HMCN1: variants seen among roughly 807,000 people sequenced by gnomAD.
HMCN1 encodes hemicentin-1.
A neutral mutation model predicts 625.9 loss-of-function variants in HMCN1; 321 were observed. That is an observed-to-expected ratio of 0.51 (90% CI 0.47 to 0.56). The LOEUF (loss-of-function observed/expected upper bound fraction) is 0.56. Ranked by LOEUF, HMCN1 falls within the 20% of genes least tolerant of loss-of-function variation. The pLI is 0.00. For synonymous variants in HMCN1, 2,425 were observed against 2,417.6 expected (o/e 1.00, Z -0.09); for missense variants, 6,588 against 6,887.3 (o/e 0.96, Z 1.54).
At chr1:186,171,264 TA>T in intron 100 of HMCN1, 72 bp from the exon 101 acceptor site, 1 of 1,073,444 alleles carries the variant, frequency 9.3e-7, no homozygotes, top group Non-Finnish European at 1.4e-6. Flanking sequence ...TCAAGATCAT[TA>T]AAATGTTAAA....
intron 55 of HMCN1, among the ~76,000 whole-genome samples, chr1:186,080,635 C>T (rs1659110902): frequency 6.6e-6 from 1 of 152,120 alleles, no homozygotes; most frequent in South Asian, 2.1e-4. Context: ...TCAGAGATGC[C>T]TATTGAAGTT....
chr1:186,038,899 G>C lies in HMCN1; in HGVS notation c.5922G>C (p.Gln1974His), dbSNP rs147974906. 267 of 1,603,782 alleles carry C rather than the reference G, an allele frequency of 1.7e-4. No homozygotes were observed. In the East Asian group the frequency reaches 5.6e-3, roughly 34 times the overall value. ...STSMTFLNRG[Q>H]IIDIESAQIS... ...GCATGACTTTCTTGAACAGAGGACA[G>C]ATCATTGATATTGAAAGTGCCCAGA... Residue 1974 changes from glutamine (Q) to histidine (H), a missense_variant, in exon 38 of 107, where the codon CAG becomes CAC. Coordinates refer to ENST00000271588, the MANE Select transcript of HMCN1 (RefSeq NM_031935.3).
chr1:185,830,167 A>G (rs1660767952), intron 1 of HMCN1, among the ~76,000 whole-genome samples: 1 of 152,016 alleles, frequency 6.6e-6, no homozygotes. Context: ...AGATGGGTAG[A>G]TTGCAAAAAT....
At chr1:186,146,877 A>G (rs1256444743) in intron 93 of HMCN1, among the ~76,000 whole-genome samples, 3 of 152,206 alleles carry the variant, frequency 2.0e-5, no homozygotes, top group Admixed American at 6.5e-5. Context: ...AGAGGATTTC[A>G]GAGATCCCAG....
intron 12 of HMCN1, among the ~76,000 whole-genome samples, chr1:185,963,188 C>T (rs752297367): frequency 5.1e-4 from 78 of 152,162 alleles, no homozygotes; most frequent in African/African-American, 1.8e-3. Context: ...ATAATAAACA[C>T]GTGGAATATA....
chr1:186,090,108 A>G (rs1659757311), intron 63 of HMCN1, among the ~76,000 whole-genome samples: 2 of 151,928 alleles, frequency 1.3e-5, no homozygotes, highest in South Asian at 2.1e-4. Flanking sequence ...GCACATCGCT[A>G]TGATCATATA....
rs1000886295 is a variant in HMCN1, at chr1:186,132,345, C to A, written c.13248C>A (p.Asp4416Glu). ...IYGTVNEDAG[D>E]YTCVATNEAG... ...TTCCATAGAATGAAGATGCCGGTGACTATACATGTGTAGCTACCAATGAAG... is the reference window on the plus strand; with the variant it reads ...TTCCATAGAATGAAGATGCCGGTGAATATACATGTGTAGCTACCAATGAAG... The change falls in exon 86 of 107, where the codon GAC becomes GAA. Residue 4416 changes from aspartate (D) to glutamate (E), a missense_variant. Transcript: ENST00000271588. 6.2e-7 allele frequency: 1 copy of A among 1,612,736 alleles called. No homozygotes were observed. Among genetic ancestry groups the A allele is most frequent in the African/African-American group, 1.3e-5 (1 of 74,994 alleles).
In HMCN1 at chr1:186,117,582, G is replaced by A. The variant is rs1661194556; in HGVS notation, c.11807G>A (p.Arg3936Lys). 4.3e-6 allele frequency: 7 copies of A among 1,613,872 alleles called. No homozygotes were observed. Among genetic ancestry groups the A allele is most frequent in the Non-Finnish European group, 5.1e-6 (6 of 1,179,838 alleles). ...ATTCACTGGACCAAAAATGGTATAA[G>A]ACTGCTTCCCAGGGGAGATGGCTAT... ...PSIHWTKNGI[R>K]LLPRGDGYRI... is the part of the protein sequence containing the mutation. The change falls in exon 77 of 107, where the codon AGA becomes AAA. Residue 3936 changes from arginine (R) to lysine (K), a missense_variant. By Grantham distance (26) the Arg-to-Lys change is conservative (BLOSUM62 2). Around this residue, in one of 3 missense-constraint regions of HMCN1, gnomAD observed 4,628 missense variants for 4,853.1 expected, o/e 0.95. Coordinates refer to ENST00000271588, the MANE Select transcript of HMCN1 (RefSeq NM_031935.3).
At chr1:185,982,503 G>A in intron 18 of HMCN1, 114 bp downstream of exon 18, 1 of 971,620 alleles carries the variant, frequency 1.0e-6, no homozygotes. Context: ...TGCAGTGGTG[G>A]GATCTAGGCT....
At chr1:185,913,131 CTGT>C (rs1193325945) in intron 6 of HMCN1, among the ~76,000 whole-genome samples, 1 of 152,046 alleles carries the variant, frequency 6.6e-6, no homozygotes, top group African/African-American at 2.4e-5. Context: ...ACTCTAAGCC[CTGT>C]AGGAAAAATA....
At chr1:186,186,038 A>G (rs547248407) in intron 105 of HMCN1, among the ~76,000 whole-genome samples, 233 of 152,292 alleles carry the variant, frequency 1.5e-3, no homozygotes, top group African/African-American at 5.4e-3. Context: ...TGTTATACAG[A>G]TTGTTATGTT....
chr1:186,054,364 G>A (rs1262696766), intron 44 of HMCN1, among the ~76,000 whole-genome samples: 1 of 151,960 alleles, frequency 6.6e-6, no homozygotes, highest in African/African-American at 2.4e-5. Flanking sequence ...GAGTGCTTAA[G>A]ATAGTTATAT....
intron 1 of HMCN1, among the ~76,000 whole-genome samples, chr1:185,753,723 G>A (rs1015527855): frequency 6.6e-6 from 1 of 152,128 alleles, no homozygotes; most frequent in Non-Finnish European, 1.5e-5. Flanking sequence ...ACAAGAATGA[G>A]ATATCAACTT....
intron 30 of HMCN1, among the ~76,000 whole-genome samples, chr1:186,009,663 A>C (rs1653869243): frequency 6.6e-6 from 1 of 152,182 alleles, no homozygotes; most frequent in Non-Finnish European, 1.5e-5. Context: ...ATTGTGCCTG[A>C]ATAAGGAAAG....
intron 1 of HMCN1, among the ~76,000 whole-genome samples, chr1:185,838,661 A>G (rs921542735): frequency 6.6e-6 from 1 of 152,132 alleles, no homozygotes; most frequent in African/African-American, 2.4e-5. Context: ...AAGAAAAAAA[A>G]TATTTCCCTA....
At chr1:186,121,340 G>T (rs1250681394) in intron 80 of HMCN1, among the ~76,000 whole-genome samples, 2 of 152,170 alleles carry the variant, frequency 1.3e-5, no homozygotes, top group Non-Finnish European at 2.9e-5. Context: ...CCCTCCTGCA[G>T]CTCTAGGTAA....
intron 29 of HMCN1, among the ~76,000 whole-genome samples, chr1:186,006,889 T>G (rs1383694280): frequency 6.6e-6 from 1 of 151,938 alleles, no homozygotes; most frequent in Non-Finnish European, 1.5e-5. Flanking sequence ...TTAATATTAT[T>G]ATATAATTTA....
At chr1:186,054,340 C>T (rs1035284191) in intron 44 of HMCN1, among the ~76,000 whole-genome samples, 4 of 151,870 alleles carry the variant, frequency 2.6e-5, no homozygotes, top group Non-Finnish European at 4.4e-5. Context: ...ATATTTTACT[C>T]GTATAAGATC....
chr1:185,893,561 G>T (rs946201153), intron 4 of HMCN1, among the ~76,000 whole-genome samples: 1 of 151,962 alleles, frequency 6.6e-6, no homozygotes, highest in Non-Finnish European at 1.5e-5. Context: ...CGAGTGTGTG[G>T]TATATTGCCC....
Sources: gnomAD v4.1 joint callset for allele counts (sites outside exome capture counted in the v4.1 genomes callset) on GRCh38, gnomAD v4.1.1 for gene constraint, gnomAD v4.1.1 regional missense constraint, MANE v1.5 for transcripts, NCBI Gene and HGNC (gene_info 2026-07-23, HGNC 2026-07-21) for gene names.